TRABD2A: variants seen among roughly 807,000 people sequenced by gnomAD.
TRABD2A encodes metalloprotease TIKI1.
TRABD2A carries 43 observed loss-of-function variants against 45.6 expected under a neutral mutation model. The ratio of observed to expected loss-of-function variants is 0.94; its 90% CI spans 0.74 to 1.22. The LOEUF is 1.22. Among genes scored for constraint, TRABD2A ranks in the 50% most tolerant of loss-of-function variants. TRABD2A has a pLI of 0.00. For synonymous variants in TRABD2A, 269 were observed against 265.0 expected (o/e 1.02, Z -0.15); for missense variants, 642 against 652.4 (o/e 0.98, Z 0.17).
chr2:84,841,904 C>A lies in TRABD2A; in HGVS notation c.773G>T (p.Cys258Phe). 6.5e-7 allele frequency: 1 copy of A among 1,547,596 alleles called. No individual in the cohort carries two copies. Reference protein sequence around the residue: ...TTEDLIKHYNCGDLSSVILSH... With the variant: ...TTEDLIKHYNFGDLSSVILSH... ...GAGGATGACGGAGCTGAGGTCCCCG[C>A]AGTTATAGTGTTTGATGAGATCCTC... Residue 258 changes from cysteine to phenylalanine, a missense_variant, in exon 3 of 7, where the codon TGC becomes TTC. By Grantham distance (205) the Cys-to-Phe change is radical. Coordinates refer to ENST00000409520, the MANE Select transcript of TRABD2A (RefSeq NM_001277053.2).
intron 2 of TRABD2A, among the ~76,000 whole-genome samples, chr2:84,859,634 A>T (rs1396010565): frequency 1.3e-5 from 2 of 152,202 alleles, no homozygotes; most frequent in African/African-American, 4.8e-5. Flanking sequence ...TGGCAATACA[A>T]GAACAGGACT....
chr2:84,844,501 T>A (rs1436349209), intron 2 of TRABD2A, among the ~76,000 whole-genome samples: 1 of 152,198 alleles, frequency 6.6e-6, no homozygotes, highest in Non-Finnish European at 1.5e-5. Context: ...ATTAGCAGTG[T>A]GAGAACAGAC....
In TRABD2A at chr2:84,863,263, G is replaced by C. The variant is rs1490084973; in HGVS notation, c.669+6962C>G. On this transcript the variant is annotated intron_variant, in intron 2 of 6. Coordinates refer to ENST00000409520, the MANE Select transcript of TRABD2A (RefSeq NM_001277053.2). ...TCTTTTTTTTTTTTTTTTTTTTTTT[G>C]AGACGGAGTCTCGCTCTGTCGCCCA... is the stretch of plus-strand genomic sequence containing the variant. 1.3e-3 allele frequency among the ~76,000 whole-genome samples: 19 copies of C among 14,554 alleles called. No homozygotes were observed. In the East Asian group the frequency reaches 0.024, roughly 19 times the overall value. The allele number at this position is 14,554 out of a possible 152,430, so 9.5% of individuals were successfully genotyped here.
At chr2:84,877,818 T>A (rs1400136611) in intron 1 of TRABD2A, among the ~76,000 whole-genome samples, 1 of 152,194 alleles carries the variant, frequency 6.6e-6, no homozygotes, top group African/African-American at 2.4e-5. Context: ...GGACCTGCAA[T>A]AACTGCACTT....
intron 1 of TRABD2A, among the ~76,000 whole-genome samples, chr2:84,877,883 C>A (rs1005925308): frequency 6.6e-6 from 1 of 152,174 alleles, no homozygotes; most frequent in Non-Finnish European, 1.5e-5. Context: ...TTACATTATC[C>A]TTTTCATTCA....
Position 84,881,062 on chromosome 2 carries a change from C to G in TRABD2A, c.-23G>C. The G allele has an allele frequency of 6.4e-7, 1 of 1,569,980 alleles. No homozygotes were observed. The highest frequency in any genetic ancestry group is 1.2e-5 in the South Asian group (1 of 85,644). ...CATCCTCCTCAAGGCGGCTCCGAGGCCCGGAACGCGGAGGGAAGGAGTAGG... is the reference window on the plus strand; with the variant it reads ...CATCCTCCTCAAGGCGGCTCCGAGGGCCGGAACGCGGAGGGAAGGAGTAGG... On this transcript the variant is annotated 5_prime_UTR_variant, in exon 1 of 7. Coordinates refer to ENST00000409520, the MANE Select transcript of TRABD2A (RefSeq NM_001277053.2).
At chr2:84,842,080 G>T in intron 2 of TRABD2A, 73 bp from the exon 3 acceptor site, 2 of 1,399,098 alleles carry the variant, frequency 1.4e-6, no homozygotes, top group South Asian at 3.1e-5. Flanking sequence ...TTTGTCCATG[G>T]CTGGAAATAC....
At chr2:84,843,837 T>A (rs765542048) in intron 2 of TRABD2A, 1 of 152,214 alleles carries the variant, frequency 6.6e-6, no homozygotes, top group Non-Finnish European at 1.5e-5. Flanking sequence ...AACATCTGAA[T>A]TTTGGAGGGG....
At chr2:84,849,086 G>A (rs1164828959) in intron 2 of TRABD2A, among the ~76,000 whole-genome samples, 1 of 142,978 alleles carries the variant, frequency 7.0e-6, no homozygotes, top group Non-Finnish European at 1.5e-5. Context: ...AGTCTTTTAA[G>A]TGAAAAAGCA....
chr2:84,829,955 AACACACCCCTC>A, intron 5 of TRABD2A, among the ~76,000 whole-genome samples: 1 of 148,418 alleles, frequency 6.7e-6, no homozygotes, highest in East Asian at 2.0e-4. Flanking sequence ...CATCACACAC[AACACACCCCTC>A]ACACACACCA....
In TRABD2A at chr2:84,855,474, A is replaced by G. The variant is rs73943103; in HGVS notation, c.670-13467T>C. On this transcript the variant is annotated intron_variant, in intron 2 of 6. Coordinates refer to ENST00000409520, the MANE Select transcript of TRABD2A (RefSeq NM_001277053.2). ...AATGGTTATCAGTCTAACCATAATC[A>G]TGGCTTATCATCAGCTGAATCCCCT... Among the ~76,000 whole-genome samples, 996 of 152,120 alleles carry G rather than the reference A, an allele frequency of 6.5e-3. 14 individuals carry two copies. Among genetic ancestry groups the G allele is most frequent in the African/African-American group, 0.023 (957 of 41,486 alleles).
At chr2:84,858,567 C>T (rs11687943) in intron 2 of TRABD2A, among the ~76,000 whole-genome samples, 2 of 152,056 alleles carry the variant, frequency 1.3e-5, no homozygotes, top group Admixed American at 1.3e-4. Context: ...GAGGAAGGGA[C>T]TAAAACTGGG....
At chr2:84,838,048 G>A (rs1665148030) in intron 4 of TRABD2A, 4 of 575,964 alleles carry the variant, frequency 6.9e-6, no homozygotes, top group Non-Finnish European at 1.3e-5. Context: ...CAAGCTCTGA[G>A]TCAGGTCAAA....
At chr2:84,843,109 A>G (rs1185221991) in intron 2 of TRABD2A, among the ~76,000 whole-genome samples, 1 of 151,776 alleles carries the variant, frequency 6.6e-6, no homozygotes, top group East Asian at 2.0e-4. Context: ...TCCAGACAAC[A>G]CTTACAACCC....
At chr2:84,827,543 G>A (rs991812705) in intron 5 of TRABD2A, among the ~76,000 whole-genome samples, 2 of 152,172 alleles carry the variant, frequency 1.3e-5, no homozygotes, top group Admixed American at 6.5e-5. Flanking sequence ...GGGCTGACCA[G>A]AACCTTAGAG....
intron 2 of TRABD2A, among the ~76,000 whole-genome samples, chr2:84,863,320 C>T (rs1446665725): frequency 6.9e-6 from 1 of 143,928 alleles, no homozygotes; most frequent in Admixed American, 7.1e-5. Flanking sequence ...TCTCGGCTCA[C>T]TGCAAGCTCC....
chr2:84,870,547 G>A lies in TRABD2A; in HGVS notation c.347C>T (p.Pro116Leu), dbSNP rs755718967. Residue 116 changes from proline to leucine, a missense_variant, in exon 2 of 7, where the codon CCC becomes CTC. Physicochemically the swap from Pro to Leu is moderately conservative, Grantham distance 98. Transcript: ENST00000409520. ...PQGENLQDVL[P>L]RDIYCRLKRH... ...CTTGAGGCGGCAGTAGATGTCCCTG[G>A]GGAGCACATCTTGGAGGTTCTCGCC... The A allele has an allele frequency of 1.7e-5, 28 of 1,613,936 alleles. No individual in the cohort carries two copies. Among genetic ancestry groups the A allele is most frequent in the Non-Finnish European group, 2.4e-5 (28 of 1,179,850 alleles).
chr2:84,869,992 G>T (rs1246375385), intron 2 of TRABD2A, among the ~76,000 whole-genome samples: 1 of 125,242 alleles, frequency 8.0e-6, no homozygotes, highest in Non-Finnish European at 1.7e-5. Flanking sequence ...AAAAAAAAAA[G>T]TACACAGTAT....
Position 84,830,682 on chromosome 2 carries a change from G to T in TRABD2A, c.1082+1373C>A, listed in dbSNP as rs1349497306. On this transcript the variant is annotated intron_variant, in intron 5 of 6. Coordinates refer to ENST00000409520, the MANE Select transcript of TRABD2A (RefSeq NM_001277053.2). The surrounding 1 kb of genome is among the most constrained non-coding windows in gnomAD (Gnocchi z 4.9). ...TAAACTAGAAAGTGCTCTGTGAAGGGCGGTCAGTATTGACATACTGAATAC... is the reference window on the plus strand; with the variant it reads ...TAAACTAGAAAGTGCTCTGTGAAGGTCGGTCAGTATTGACATACTGAATAC... Among the ~76,000 whole-genome samples the T allele has an allele frequency of 1.3e-5, 2 of 152,144 alleles. No homozygotes were observed. The highest frequency in any genetic ancestry group is 2.9e-5 in the Non-Finnish European group (2 of 68,028).
Sources: gnomAD v4.1 joint callset for allele counts (sites outside exome capture counted in the v4.1 genomes callset) on GRCh38, gnomAD v4.1.1 for gene constraint, Gnocchi (gnomAD v3.1) non-coding constraint, MANE v1.5 for transcripts, NCBI Gene and HGNC (gene_info 2026-07-23, HGNC 2026-07-21) for gene names.